IQCK: variants seen among roughly 807,000 people sequenced by gnomAD.
IQCK encodes IQ motif containing K.
A neutral mutation model predicts 28.1 loss-of-function variants in IQCK; 29 were observed. The observed-to-expected ratio is 1.03, with a 90% CI of 0.77 to 1.41. The LOEUF (loss-of-function observed/expected upper bound fraction) is 1.41, where lower values mean the gene tolerates loss of function less well. Ranked by LOEUF, IQCK falls within the 40% of genes most tolerant of loss-of-function variation. IQCK has a pLI of 0.00. For synonymous variants in IQCK, 113 were observed against 115.1 expected, an observed-to-expected ratio of 0.98 and a Z score of 0.12; for missense variants, 359 against 314.7, an observed-to-expected ratio of 1.14 and a Z score of -1.07.
chr16:19,827,079 C>T (rs778895185), exon 8 of IQCK: 18 of 1,613,946 alleles, frequency 1.1e-5, no homozygotes, highest in South Asian at 2.2e-5. Flanking sequence ...AGAAACTTCG[C>T]GAGGCCAAGC....
At chr16:19,827,306 G>T (rs140438635), downstream of IQCK, 1 of 599,406 alleles carries the variant, frequency 1.7e-6, no homozygotes, top group Non-Finnish European at 3.0e-6. Flanking sequence ...GAATGACAGA[G>T]GTGATGTGAT....
exon 3 of IQCK, chr16:19,733,819 C>G: frequency 6.2e-7 from 1 of 1,613,624 alleles, no homozygotes; most frequent in African/African-American, 1.3e-5. Flanking sequence ...ACAATCAACC[C>G]AAAAACATGT....
chr16:19,725,838 A>G (rs1977636183), intron 1 of IQCK, among the ~76,000 whole-genome samples: 1 of 152,262 alleles, frequency 6.6e-6, no homozygotes, highest in East Asian at 1.9e-4. Flanking sequence ...TTTCAACTGT[A>G]TGTCTTTTGT....
intron 4 of IQCK, among the ~76,000 whole-genome samples, chr16:19,740,348 T>C (rs997446940): frequency 6.6e-6 from 1 of 152,160 alleles, no homozygotes; most frequent in Non-Finnish European, 1.5e-5. Context: ...TGTGATACAG[T>C]TGGTAGGTAT....
At chr16:19,851,871 T>C (rs1238723871) in intron 9 of IQCK, among the ~76,000 whole-genome samples, 2 of 152,176 alleles carry the variant, frequency 1.3e-5, no homozygotes, top group Non-Finnish European at 2.9e-5. Flanking sequence ...TTCCCTCCCC[T>C]TTTCCTCCCT....
At chr16:19,852,111 G>A (rs1033609713) in intron 9 of IQCK, among the ~76,000 whole-genome samples, 3 of 152,096 alleles carry the variant, frequency 2.0e-5, no homozygotes, top group Admixed American at 6.5e-5. Context: ...GCCATGATAG[G>A]TGAGGGTTAG....
chr16:19,736,131 ATC>A (rs1453449661), intron 4 of IQCK: 1 of 455,884 alleles, frequency 2.2e-6, no homozygotes, highest in Non-Finnish European at 4.4e-6. Flanking sequence ...TCCCCCTGGC[ATC>A]TCTCTACTCC....
intron 7 of IQCK, among the ~76,000 whole-genome samples, chr16:19,811,988 T>C (rs1244817740): frequency 1.2e-5 from 1 of 85,540 alleles, no homozygotes; most frequent in Non-Finnish European, 2.2e-5. Flanking sequence ...AGCCTTAATT[T>C]TTTTTTTTTT....
At chr16:19,756,525 T>C (rs2055054328) in intron 4 of IQCK, among the ~76,000 whole-genome samples, 1 of 152,182 alleles carries the variant, frequency 6.6e-6, no homozygotes, top group African/African-American at 2.4e-5. Context: ...TATTAGATGG[T>C]AGAGCCTTTG....
chr16:19,826,920 C>T, intron 7 of IQCK, 106 bp from the exon 8 acceptor site: 1 of 740,730 alleles, frequency 1.4e-6, no homozygotes, highest in Non-Finnish European at 2.4e-6. Flanking sequence ...CATTGAGAAT[C>T]AAAAGTACAT....
chr16:19,718,652 G>T (rs113617375), intron 1 of IQCK, among the ~76,000 whole-genome samples, 165 bp downstream of exon 1: 1 of 152,234 alleles, frequency 6.6e-6, no homozygotes, highest in African/African-American at 2.4e-5. Flanking sequence ...CTGAGGCTCG[G>T]AGAGGCTGGC....
At chr16:19,733,729 G>A in exon 3 of IQCK, 2 of 1,614,006 alleles carry the variant, frequency 1.2e-6, no homozygotes, top group Non-Finnish European at 1.7e-6. Flanking sequence ...CTTTTTCATG[G>A]CTTCAGTGCA....
Position 19,833,017 on chromosome 16 carries a change from G to A in IQCK, c.802+5880G>A, listed in dbSNP as rs111568933. The stretch of plus-strand genomic sequence containing the variant: ...TTGGGTGGGGACACAGAGCCAAGCC[G>A]TATCATACATACTGTGTAATGATTA... On this transcript the variant is annotated intron_variant, in intron 9 of 9. Transcript: ENST00000320394. Among the ~76,000 whole-genome samples the A allele has an allele frequency of 8.2e-3, 1,252 of 152,226 alleles. 19 individuals carry two copies. Among genetic ancestry groups the A allele is most frequent in the African/African-American group, 0.028 (1,175 of 41,550 alleles).
intron 9 of IQCK, among the ~76,000 whole-genome samples, chr16:19,842,263 A>G (rs930049891): frequency 3.9e-5 from 6 of 152,230 alleles, no homozygotes; most frequent in Non-Finnish European, 7.3e-5. Context: ...ACATATCAAC[A>G]TGCTTTGCTT....
At chr16:19,728,141 G>A (rs1043886873) in intron 1 of IQCK, among the ~76,000 whole-genome samples, 1 of 152,020 alleles carries the variant, frequency 6.6e-6, no homozygotes, top group African/African-American at 2.4e-5. Flanking sequence ...ATCAAGTTGT[G>A]CATTACCCAT....
Position 19,764,120 on chromosome 16 carries a change from T to G in IQCK, c.605+8T>G, listed in dbSNP as rs749684123. The G allele has an allele frequency of 3.1e-6, 5 of 1,598,706 alleles. No individual in the cohort carries two copies. The East Asian group carries it at 1.1e-4, about 36-fold the overall frequency. On this transcript the variant is annotated splice_region_variant and intron_variant, in intron 6 of 7. Coordinates refer to ENST00000564186, the Ensembl canonical transcript of IQCK. ...GGAGCGGCTAAAGCAACAGTGAGTA[T>G]GACACAAGGCTTTGAATAATTTATT...
intron 6 of IQCK, among the ~76,000 whole-genome samples, chr16:19,772,571 CA>C (rs1192920242): frequency 6.6e-6 from 1 of 151,988 alleles, no homozygotes; most frequent in Admixed American, 6.6e-5. Flanking sequence ...ATTCTATGGA[CA>C]GGGGTGAGGG....
chr16:19,858,243 T>C (rs2056588485), exon 10 of IQCK: 3 of 373,592 alleles, frequency 8.0e-6, no homozygotes, highest in Admixed American at 4.6e-5. Context: ...GCCCCCATTA[T>C]GAAGGCGTTC....
chr16:19,751,976 CTG>C, intron 4 of IQCK, among the ~76,000 whole-genome samples: 1 of 152,300 alleles, frequency 6.6e-6, no homozygotes, highest in South Asian at 2.1e-4. Context: ...AGGAAATCAA[CTG>C]TGCAATTGTT....
Sources: allele counts gnomAD v4.1 joint callset (sites outside exome capture counted in the v4.1 genomes callset), GRCh38; gene constraint gnomAD v4.1.1; transcripts MANE v1.5; gene names NCBI Gene and HGNC (gene_info 2026-07-23, HGNC 2026-07-21).